PCDH15: variants seen among roughly 807,000 people sequenced by gnomAD.
PCDH15 encodes the protein protocadherin-15.
Under a neutral mutation model 178.5 loss-of-function variants are expected in PCDH15, and 129 were observed. That is an observed-to-expected ratio of 0.72 (90% CI 0.63 to 0.84). The LOEUF is 0.84. Among genes scored for constraint, PCDH15 ranks in the 40% least tolerant of loss-of-function variants. PCDH15 has a pLI of 0.00. For missense variants in PCDH15, 2,230 were observed against 2,099.9 expected, an observed-to-expected ratio of 1.06 and a Z score of -1.21; for synonymous variants, 800 against 732.0, an observed-to-expected ratio of 1.09 and a Z score of -1.50.
chr10:53,822,554 A>C, intron 32 of PCDH15: 2 of 1,613,954 alleles, frequency 1.2e-6, no homozygotes, highest in South Asian at 1.1e-5. Flanking sequence ...TTTCGGTTTC[A>C]ATAGGTAACA....
chr10:55,125,729 G>GT (rs1043172324), intron 2 of PCDH15, among the ~76,000 whole-genome samples: 38 of 152,134 alleles, frequency 2.5e-4, no homozygotes, highest in African/African-American at 8.2e-4. Flanking sequence ...AACAGCATCA[G>GT]TTTTTTTGTT....
intron 2 of PCDH15, among the ~76,000 whole-genome samples, chr10:55,133,035 G>GCCA (rs2132079612): frequency 6.6e-6 from 1 of 152,274 alleles, no homozygotes; most frequent in South Asian, 2.1e-4. Context: ...AGATATTTTA[G>GCCA]CACATGAGAA....
At chr10:55,422,252 A>T (rs1838640119) in intron 2 of PCDH15, among the ~76,000 whole-genome samples, 1 of 151,892 alleles carries the variant, frequency 6.6e-6, no homozygotes. Flanking sequence ...CTTCTAACTG[A>T]AATTATTCAA....
At chr10:54,291,274 T>A (rs2059386097) in intron 8 of PCDH15, among the ~76,000 whole-genome samples, 1 of 152,064 alleles carries the variant, frequency 6.6e-6, no homozygotes, top group Non-Finnish European at 1.5e-5. Context: ...TTGAAACCAG[T>A]GAGAGAAAAG....
intron 26 of PCDH15, among the ~76,000 whole-genome samples, chr10:53,877,687 T>C (rs973263942): frequency 6.6e-6 from 1 of 152,160 alleles, no homozygotes; most frequent in Non-Finnish European, 1.5e-5. Context: ...TTCTGTTTTT[T>C]CTTTTTGCAT....
intron 2 of PCDH15, among the ~76,000 whole-genome samples, chr10:54,611,600 C>T (rs2092963302): frequency 6.6e-6 from 1 of 151,804 alleles, no homozygotes. Context: ...GTCCCTTTTG[C>T]ACAGTGACAG....
chr10:53,947,071 G>A (rs1034267406), intron 23 of PCDH15, among the ~76,000 whole-genome samples: 4 of 151,970 alleles, frequency 2.6e-5, no homozygotes, highest in East Asian at 1.9e-4. Flanking sequence ...CACCGCACCT[G>A]GCCCATATAT....
At chr10:54,461,500 G>C (rs1422539938) in intron 3 of PCDH15, among the ~76,000 whole-genome samples, 1 of 152,054 alleles carries the variant, frequency 6.6e-6, no homozygotes. Context: ...ACCATCTCTT[G>C]GATTTATGAC....
chr10:54,341,191 G>T (rs868167143), intron 6 of PCDH15, among the ~76,000 whole-genome samples: 24 of 152,212 alleles, frequency 1.6e-4, no homozygotes, highest in South Asian at 1.5e-3. Context: ...TAGTTGATAT[G>T]GTTTGGCTCT....
intron 1 of PCDH15, among the ~76,000 whole-genome samples, chr10:55,273,675 G>A (rs114173946): frequency 0.038 from 5,722 of 151,876 alleles, 156 homozygotes; most frequent in South Asian, 0.072. Flanking sequence ...GTGAATTTAC[G>A]CTTTCTGTTA....
At chr10:55,331,212 A>C (rs934564785) in intron 2 of PCDH15, among the ~76,000 whole-genome samples, 4 of 151,912 alleles carry the variant, frequency 2.6e-5, no homozygotes, top group Admixed American at 2.0e-4. Context: ...TTCTGTCAAA[A>C]TATAGCTTGC....
intron 1 of PCDH15, among the ~76,000 whole-genome samples, chr10:55,263,987 GC>G (rs58766189): frequency 0.17 from 26,057 of 151,808 alleles, 3,058 homozygotes; most frequent in East Asian, 0.37. Context: ...GCCCGCCTCG[GC>G]CTCCCAAAGT....
chr10:55,173,445 T>C (rs1839396005), intron 1 of PCDH15, among the ~76,000 whole-genome samples: 2 of 151,808 alleles, frequency 1.3e-5, no homozygotes, highest in African/African-American at 2.4e-5. Context: ...TTTTGCAACC[T>C]TCCCTGATTT....
At chr10:55,331,923 GAGGA>G (rs1844210300) in intron 2 of PCDH15, among the ~76,000 whole-genome samples, 2 of 152,082 alleles carry the variant, frequency 1.3e-5, no homozygotes, top group African/African-American at 4.8e-5. Flanking sequence ...ACAAATGCAA[GAGGA>G]AGGAAGTGAA....
intron 2 of PCDH15, among the ~76,000 whole-genome samples, chr10:55,453,349 G>C (rs1839476896): frequency 6.6e-6 from 1 of 152,170 alleles, no homozygotes; most frequent in East Asian, 1.9e-4. Context: ...CAGCGGATCT[G>C]ACATAGCACC....
At chr10:55,404,232 T>C (rs946291356) in intron 2 of PCDH15, among the ~76,000 whole-genome samples, 10 of 152,032 alleles carry the variant, frequency 6.6e-5, no homozygotes, top group Non-Finnish European at 2.9e-5. Flanking sequence ...AGTAAGCCTA[T>C]AGCAGACGCC....
At chr10:54,292,268 A>G (rs920946661) in intron 8 of PCDH15, among the ~76,000 whole-genome samples, 1 of 152,210 alleles carries the variant, frequency 6.6e-6, no homozygotes, top group African/African-American at 2.4e-5. Flanking sequence ...ACAAAATTCA[A>G]TGGCCCTTCA....
intron 20 of PCDH15, among the ~76,000 whole-genome samples, chr10:53,999,829 T>C (rs1317970389): frequency 5.3e-5 from 8 of 152,296 alleles, no homozygotes; most frequent in Admixed American, 1.3e-4. Flanking sequence ...CTGCTGATTA[T>C]AGAGACCCAT....
intron 13 of PCDH15, among the ~76,000 whole-genome samples, chr10:54,162,702 T>A (rs571777288): frequency 2.6e-5 from 4 of 152,180 alleles, no homozygotes; most frequent in Admixed American, 6.5e-5. Flanking sequence ...GGGGTTAATG[T>A]CTCCTTATGA....
Sources: gnomAD v4.1 joint callset for allele counts (sites outside exome capture counted in the v4.1 genomes callset) on GRCh38, gnomAD v4.1.1 for gene constraint, MANE v1.5 for transcripts, NCBI Gene and HGNC (gene_info 2026-07-23, HGNC 2026-07-21) for gene names.